The following TMEM276 variants were observed in gnomAD, a reference collection of about 807,000 sequenced individuals.
TMEM276 encodes transmembrane protein 276.
the TMEM276 span, chr8:144,464,861 G>A: frequency 2.5e-6 from 4 of 1,612,832 alleles, no homozygotes; most frequent in Non-Finnish European, 3.4e-6. Context: ...CACCAGATGG[G>A]ACAGGGCTGT....
the TMEM276 span, chr8:144,466,909 G>C: frequency 6.4e-7 from 1 of 1,563,158 alleles, no homozygotes; most frequent in Non-Finnish European, 8.6e-7. Context: ...CGGAGGCCTG[G>C]CTCAAGCACG....
the TMEM276 span, chr8:144,465,110 GA>G: frequency 3.4e-6 from 5 of 1,462,876 alleles, no homozygotes; most frequent in Non-Finnish European, 4.5e-6. Context: ...TGGAGAAGAA[GA>G]ACCTAATTCA....
the TMEM276 span, chr8:144,466,766 C>T: frequency 3.3e-6 from 5 of 1,531,060 alleles, no homozygotes; most frequent in East Asian, 2.5e-5. Context: ...CTAGAGAGCC[C>T]GCAAGCCCCG....
chr8:144,465,356 G>A, the TMEM276 span: 349 of 1,072,924 alleles, frequency 3.3e-4, 1 homozygote, highest in Middle Eastern at 3.6e-3. Context: ...CAGTTACCGG[G>A]CTGCGCGGTC....
the TMEM276 span, chr8:144,464,609 T>A: frequency 5.9e-4 from 950 of 1,605,906 alleles, 1 homozygote; most frequent in Non-Finnish European, 7.9e-4. Flanking sequence ...GCCCCTCGAC[T>A]TGCCTGTCAA....
chr8:144,464,035 G>T, the TMEM276 span: 1 of 1,532,602 alleles, frequency 6.5e-7, no homozygotes, highest in Non-Finnish European at 8.8e-7. Context: ...GTAGGCAGAA[G>T]AGTCTACCCC....
At chr8:144,464,216 G>A in the TMEM276 span, 1 of 1,613,092 alleles carries the variant, frequency 6.2e-7, no homozygotes, top group Non-Finnish European at 8.5e-7. Flanking sequence ...TCCTCCTTCG[G>A]TAGCAGCAGC....
At chr8:144,465,258 C>A in the TMEM276 span, 1 of 1,123,688 alleles carries the variant, frequency 8.9e-7, no homozygotes, top group South Asian at 1.7e-5. Flanking sequence ...GCGGCCTCGG[C>A]CTGCTCCCTG....
the TMEM276 span, chr8:144,464,412 C>T: frequency 6.2e-7 from 1 of 1,612,196 alleles, no homozygotes; most frequent in South Asian, 1.1e-5. Flanking sequence ...CTGCCAGCAC[C>T]ATGCCTCCTC....
At chr8:144,466,729 C>T in the TMEM276 span, 158 of 1,490,422 alleles carry the variant, frequency 1.1e-4, no homozygotes, top group Non-Finnish European at 1.4e-4. Flanking sequence ...GCCTGCCCCC[C>T]TCCTCAGGGG....
chr8:144,464,540 T>C, the TMEM276 span: 4 of 1,612,120 alleles, frequency 2.5e-6, no homozygotes, highest in Non-Finnish European at 3.4e-6. Flanking sequence ...TCGTGTGTGC[T>C]CAGCCCTGGG....
chr8:144,466,468 C>T, the TMEM276 span: 8 of 1,354,028 alleles, frequency 5.9e-6, no homozygotes, highest in Admixed American at 1.3e-4. Flanking sequence ...CAGCCTCTTC[C>T]GCAGGGATGG....
the TMEM276 span, chr8:144,466,704 AG>A: frequency 7.3e-7 from 1 of 1,368,766 alleles, no homozygotes; most frequent in Non-Finnish European, 9.7e-7. Flanking sequence ...CGCGGAGGGA[AG>A]GGGCCAGCAG....
At chr8:144,464,443 G>A in the TMEM276 span, 9 of 1,612,156 alleles carry the variant, frequency 5.6e-6, no homozygotes, top group South Asian at 2.2e-5. Context: ...GTTGGCAGAG[G>A]AGCGGTCCCC....
At chr8:144,466,912 C>A in the TMEM276 span, 4 of 1,566,878 alleles carry the variant, frequency 2.6e-6, no homozygotes, top group Non-Finnish European at 3.4e-6. Context: ...AGGCCTGGCT[C>A]AAGCACGTGA....
chr8:144,464,119 T>C, the TMEM276 span: 1 of 1,603,908 alleles, frequency 6.2e-7, no homozygotes, highest in East Asian at 2.2e-5. Flanking sequence ...CCTGGCTGTA[T>C]CCAACTGTCA....
chr8:144,464,275 GCC>G, the TMEM276 span: 1 of 1,606,966 alleles, frequency 6.2e-7, no homozygotes, highest in Non-Finnish European at 8.5e-7. Context: ...ACCCAGCATC[GCC>G]CCCCCCCACA....
At chr8:144,466,653 G>A in the TMEM276 span, 1 of 1,051,084 alleles carries the variant, frequency 9.5e-7, no homozygotes, top group Admixed American at 3.7e-5. Flanking sequence ...CGGCCCCGAT[G>A]CTGGAAGCGT....
the TMEM276 span, chr8:144,466,453 T>C: frequency 7.4e-7 from 1 of 1,358,596 alleles, no homozygotes; most frequent in Non-Finnish European, 9.6e-7. Context: ...CATCTACATC[T>C]TCTACAGCCT....
Sources: gnomAD v4.1 joint callset for allele counts on GRCh38, gnomAD v4.1.1 for gene constraint, MANE v1.5 for transcripts, NCBI Gene and HGNC (gene_info 2026-07-23, HGNC 2026-07-21) for gene names.